The following CDKN2B-AS1 variants were observed in gnomAD, a reference collection of about 807,000 sequenced individuals.
CDKN2B-AS1 encodes the protein CDKN2B and CDKN2A antisense cis and trans regulatory RNA 1, also known as CDKN2B antisense RNA 1 (non-protein coding).
At chr9:22,050,910 G>A (rs912068987) in intron 3 of CDKN2B-AS1, among the ~76,000 whole-genome samples, 1 of 152,180 alleles carries the variant, frequency 6.6e-6, no homozygotes, top group African/African-American at 2.4e-5. Context: ...GCTCTGACAA[G>A]CAAACAGCAG....
At chr9:22,003,969 A>G (rs900557006) in intron 1 of CDKN2B-AS1, 1 of 232,580 alleles carries the variant, frequency 4.3e-6, no homozygotes, top group African/African-American at 2.2e-5. Context: ...GACAACCATA[A>G]TCAGCTGTGG....
At chr9:22,119,526 TG>T (rs1433162395) in intron 4 of CDKN2B-AS1, 2 of 152,184 alleles carry the variant, frequency 1.3e-5, no homozygotes, top group African/African-American at 4.8e-5. Flanking sequence ...AAAAGGGTCA[TG>T]AGCTTATTCA....
Position 22,057,165 on chromosome 9 carries a change from AT to A in CDKN2B-AS1, n.438+782del, listed in dbSNP as rs565048389. On this transcript the variant is annotated intron_variant and non_coding_transcript_variant, in intron 4 of 4. Coordinates refer to ENST00000650946, the Ensembl canonical transcript of CDKN2B-AS1. Reference sequence around the variant, plus strand: ...AATAAATATTATTTTTAAAATATTAATTTTACAGGGATTGTCTCTTGATTTC... The same window carrying A: ...AATAAATATTATTTTTAAAATATTAATTTACAGGGATTGTCTCTTGATTTC... Among the ~76,000 whole-genome samples the A allele has an allele frequency of 2.4e-3, 372 of 152,240 alleles. 1 individual carries two copies. Among genetic ancestry groups the A allele is most frequent in the Non-Finnish European group, 4.1e-3 (281 of 68,014 alleles).
At position 22,093,811 on chromosome 9, in the gene CDKN2B-AS1, C is replaced by A. The variant is rs887897997; in HGVS notation, n.439-33292C>A. 6.2e-5 allele frequency among the ~76,000 whole-genome samples: 9 copies of A among 144,010 alleles called. 2 individuals carry two copies. The highest frequency in any genetic ancestry group is 2.3e-4 in the African/African-American group (8 of 34,284). 94.5% of individuals were successfully genotyped at this position (144,010 alleles called of 152,430 possible). A position where few individuals can be genotyped will look rare whatever the true frequency, so the allele number is the denominator to read the frequency against. On this transcript the variant is annotated intron_variant and non_coding_transcript_variant, in intron 4 of 4. Coordinates refer to ENST00000650946, the Ensembl canonical transcript of CDKN2B-AS1. ...TGTCTTTTAATTGGAGCATTTAGCC[C>A]ATTTACATTTAAGGTTAATATGTTA...
In CDKN2B-AS1 at chr9:22,000,818, A is replaced by G. The variant is rs979521387; in HGVS notation, n.29+5657A>G. ...GAAAAAATGCAAGTATCTTATTTAT[A>G]CTAAGAGAAGAGAGAAACCCGAAGA... On this transcript the variant is annotated intron_variant and non_coding_transcript_variant, in intron 1 of 4. Transcript: ENST00000650946. The surrounding 1 kb of genome is among the most constrained non-coding windows in gnomAD (Gnocchi z 4.1). Among the ~76,000 whole-genome samples the G allele has an allele frequency of 1.3e-5, 2 of 152,218 alleles. No individual in the cohort carries two copies. The highest frequency in any genetic ancestry group is 4.8e-5 in the African/African-American group (2 of 41,464).
At chr9:22,042,581 C>G (rs1369022506) in intron 1 of CDKN2B-AS1, among the ~76,000 whole-genome samples, 1 of 152,096 alleles carries the variant, frequency 6.6e-6, no homozygotes, top group African/African-American at 2.4e-5. Context: ...CAGACTCTAC[C>G]TTGCCCCATG....
At position 22,039,809 on chromosome 9, in the gene CDKN2B-AS1, A is replaced by G. The variant is rs1480480534; in HGVS notation, n.30-6942A>G. Among the ~76,000 whole-genome samples, 1 of 151,946 alleles carries G rather than the reference A, an allele frequency of 6.6e-6. No homozygotes were observed. Among genetic ancestry groups the G allele is most frequent in the Non-Finnish European group, 1.5e-5 (1 of 67,922 alleles). ...TGAATTGTGTTCCCCCGAAATGACT[A>G]TGCTGAAGTCCTAACTCCTAGTGCT... On this transcript the variant is annotated intron_variant and non_coding_transcript_variant, in intron 1 of 4. Coordinates refer to ENST00000650946, the Ensembl canonical transcript of CDKN2B-AS1. The surrounding 1 kb of genome is among the most constrained non-coding windows in gnomAD (Gnocchi z 4.4).
chr9:22,104,009 A>G (rs1471492294), intron 4 of CDKN2B-AS1, among the ~76,000 whole-genome samples: 1 of 152,234 alleles, frequency 6.6e-6, no homozygotes, highest in African/African-American at 2.4e-5. Context: ...AATAAAATGT[A>G]GAATCTTCTC....
At chr9:22,117,351 A>G (rs1400120679) in intron 4 of CDKN2B-AS1, among the ~76,000 whole-genome samples, 3 of 152,338 alleles carry the variant, frequency 2.0e-5, no homozygotes, top group East Asian at 1.9e-4. Flanking sequence ...GAATATCAGC[A>G]TAGTGTTTCT....
rs923861943 is a variant in CDKN2B-AS1 at position 22,058,236 on chromosome 9, A to G, written n.438+1849A>G. 2.0e-5 allele frequency: 3 copies of G among 152,266 alleles called. No homozygotes were observed. The East Asian group carries it at 5.8e-4, about 29-fold the overall frequency. The allele number at this position is 152,266 out of a possible 1,614,324, so 9.4% of individuals were successfully genotyped here. A position where few individuals can be genotyped will look rare whatever the true frequency, so the allele number is the denominator to read the frequency against. On this transcript the variant is annotated intron_variant and non_coding_transcript_variant, in intron 4 of 4. Coordinates refer to ENST00000650946, the Ensembl canonical transcript of CDKN2B-AS1. ...AACCCAGTGAAAACCAGTATTGAAA[A>G]TAGATTGCCTCTCCCTTGCTTCATG...
At chr9:22,012,232 C>T (rs1276416822) in intron 1 of CDKN2B-AS1, 35 of 1,413,828 alleles carry the variant, frequency 2.5e-5, no homozygotes, top group Non-Finnish European at 3.0e-5. Flanking sequence ...TTGAGAATGT[C>T]AGTGCGAAAA....
chr9:22,011,104 C>T (rs1168242312), intron 1 of CDKN2B-AS1, among the ~76,000 whole-genome samples: 2 of 152,190 alleles, frequency 1.3e-5, no homozygotes, highest in African/African-American at 2.4e-5. Context: ...CGCTTACTAG[C>T]ACCACGGACA....
chr9:22,111,751 T>C (rs1825810249), intron 4 of CDKN2B-AS1, among the ~76,000 whole-genome samples: 1 of 152,138 alleles, frequency 6.6e-6, no homozygotes. Flanking sequence ...CGAAAGTAGA[T>C]AATAAGTGAG....
chr9:22,022,478 C>G (rs780482186), intron 1 of CDKN2B-AS1, among the ~76,000 whole-genome samples: 1 of 151,898 alleles, frequency 6.6e-6, no homozygotes. Flanking sequence ...TGGAACCCTG[C>G]TTTTTTCTGA....
chr9:22,110,069 G>C (rs983964356), intron 4 of CDKN2B-AS1, among the ~76,000 whole-genome samples: 10 of 152,070 alleles, frequency 6.6e-5, no homozygotes, highest in Non-Finnish European at 1.3e-4. Context: ...ATGAGGTGAT[G>C]GTTAAGGTGA....
rs557319083 is a variant in CDKN2B-AS1 at position 22,124,657 on chromosome 9, G to C, written n.439-2446G>C. ...ACTTTTCTCTTGTTTTTCTAGTTGA[G>C]CTATCATTCATATTTATTATGTGGA... On this transcript the variant is annotated intron_variant and non_coding_transcript_variant, in intron 4 of 4. Transcript: ENST00000650946. Among the ~76,000 whole-genome samples the C allele has an allele frequency of 3.3e-4, 50 of 152,146 alleles. 1 individual carries two copies. Among genetic ancestry groups the C allele is most frequent in the African/African-American group, 1.1e-3 (44 of 41,506 alleles).
Position 22,006,366 on chromosome 9 carries a change from G to T in CDKN2B-AS1, n.29+11205G>T. The T allele has an allele frequency of 7.3e-7, 1 of 1,377,222 alleles. No homozygotes were observed. Among genetic ancestry groups the T allele is most frequent in the Non-Finnish European group, 1.0e-6 (1 of 1,001,864 alleles). The allele number at this position is 1,377,222 out of a possible 1,614,324, so 85.3% of individuals were successfully genotyped here. A position where few individuals can be genotyped will look rare whatever the true frequency, so the allele number is the denominator to read the frequency against. On this transcript the variant is annotated intron_variant and non_coding_transcript_variant, in intron 1 of 4. Coordinates refer to ENST00000650946, the Ensembl canonical transcript of CDKN2B-AS1. The surrounding 1 kb of genome is among the most constrained non-coding windows in gnomAD (Gnocchi z 6.4). Reference sequence around the variant, plus strand: ...CCTAATTGCAAAGTTTTCACCCAGTGCAGAGGTGTTCAGGTCTCTGATGTC... The same window carrying T: ...CCTAATTGCAAAGTTTTCACCCAGTTCAGAGGTGTTCAGGTCTCTGATGTC...
intron 4 of CDKN2B-AS1, among the ~76,000 whole-genome samples, chr9:22,095,297 T>A (rs1242130182): frequency 2.1e-5 from 3 of 144,760 alleles, no homozygotes; most frequent in East Asian, 2.0e-4. Flanking sequence ...CATTCTCAGA[T>A]CTCAAACTGG....
intron 4 of CDKN2B-AS1, among the ~76,000 whole-genome samples, chr9:22,066,631 G>C (rs1824056031): frequency 6.6e-6 from 1 of 151,522 alleles, no homozygotes; most frequent in Non-Finnish European, 1.5e-5. Context: ...CAATATCTTT[G>C]CTATTGTCAA....
Sources: gnomAD v4.1 joint callset for allele counts (sites outside exome capture counted in the v4.1 genomes callset) on GRCh38, gnomAD v4.1.1 for gene constraint, Gnocchi (gnomAD v3.1) non-coding constraint, MANE v1.5 for transcripts, NCBI Gene and HGNC (gene_info 2026-07-23, HGNC 2026-07-21) for gene names.